The following COL24A1 variants were observed in gnomAD, a reference collection of about 807,000 sequenced individuals.
The protein encoded by COL24A1 is collagen type XXIV alpha 1 chain.
In COL24A1, 224 loss-of-function variants were observed where a neutral mutation model predicts 253.9. The observed-to-expected ratio is 0.88, with a 90% confidence interval of 0.79 to 0.99. The LOEUF (loss-of-function observed/expected upper bound fraction) is 0.99, where lower values mean the gene tolerates loss of function less well. Ranked by LOEUF, COL24A1 falls within the 50% of genes least tolerant of loss-of-function variation. COL24A1 has a pLI of 0.00. For synonymous variants in COL24A1, 685 were observed against 673.7 expected (o/e 1.02, Z -0.26); for missense variants, 2,131 against 2,068.5 (o/e 1.03, Z -0.59).
chr1:86,135,764 G>A (rs572506545), intron 2 of COL24A1, among the ~76,000 whole-genome samples: 1 of 152,038 alleles, frequency 6.6e-6, no homozygotes, highest in East Asian at 1.9e-4. Context: ...AGGTGATAAG[G>A]GGGACATATT....
chr1:85,793,734 A>G (rs1670534541), intron 47 of COL24A1, among the ~76,000 whole-genome samples: 3 of 152,156 alleles, frequency 2.0e-5, no homozygotes, highest in East Asian at 1.9e-4. Context: ...GAGTCATGAG[A>G]TGGTGCCATT....
chr1:85,925,557 A>G (rs908259749), intron 24 of COL24A1, among the ~76,000 whole-genome samples: 6 of 152,204 alleles, frequency 3.9e-5, no homozygotes, highest in African/African-American at 1.4e-4. Flanking sequence ...AACCTGAGAA[A>G]AACAAGCAAT....
At chr1:86,152,637 G>C (rs1428356306) in intron 1 of COL24A1, among the ~76,000 whole-genome samples, 1 of 152,102 alleles carries the variant, frequency 6.6e-6, no homozygotes, top group Non-Finnish European at 1.5e-5. Context: ...GCAGTGCAAG[G>C]GAGATAAATG....
At position 85,781,239 on chromosome 1, in the gene COL24A1, ATTATACC is replaced by A. The variant is rs749385818; in HGVS notation, c.4312_4318del (p.Gly1438Ter). The stretch of plus-strand genomic sequence containing the variant: ...ACTTACAGTTCTACCTGTTGGGCCT[ATTATACC>A]TTCTCTGCCAAGGGGACCAGTGTTT... On this transcript the variant is annotated frameshift_variant, in exon 52 of 60. Coordinates refer to ENST00000370571, the MANE Select transcript of COL24A1 (RefSeq NM_152890.7). LOFTEE classifies it high-confidence loss of function. The A allele has an allele frequency of 6.2e-7, 1 of 1,607,508 alleles. No homozygotes were observed. The highest frequency in any genetic ancestry group is 8.5e-7 in the Non-Finnish European group (1 of 1,176,978).
In COL24A1 at chr1:85,791,756, T is replaced by TGAAATATGC. The variant is rs139989722; in HGVS notation, c.3952-5304_3952-5296dup. On this transcript the variant is annotated intron_variant, in intron 47 of 59. Coordinates refer to ENST00000370571, the MANE Select transcript of COL24A1 (RefSeq NM_152890.7). ...AAAAAATTTTCAAAGATGAAATATGTGAAATATGCAAAGTCTCATTACAGG... is the reference window on the plus strand; with the variant it reads ...AAAAAATTTTCAAAGATGAAATATGTGAAATATGCGAAATATGCAAAGTCTCATTACAGG... Among the ~76,000 whole-genome samples, 659 of 152,240 alleles carry TGAAATATGC rather than the reference T, an allele frequency of 4.3e-3. 5 individuals are homozygous for TGAAATATGC. Among genetic ancestry groups the TGAAATATGC allele is most frequent in the African/African-American group, 0.015 (638 of 41,542 alleles).
intron 24 of COL24A1, among the ~76,000 whole-genome samples, chr1:85,937,469 T>C (rs1237650161): frequency 6.8e-6 from 1 of 147,646 alleles, no homozygotes; most frequent in Non-Finnish European, 1.5e-5. Context: ...TGTGAAGATC[T>C]TTGTATCACA....
Position 86,059,147 on chromosome 1 carries a change from C to G in COL24A1, c.1780G>C (p.Gly594Arg). The change falls in exon 9 of 60, where the codon GGT becomes CGT. Residue 594 changes from glycine (G) to arginine (R), a missense_variant. Gly to Arg is a moderately radical substitution (Grantham distance 125, BLOSUM62 -2). Coordinates refer to ENST00000370571, the MANE Select transcript of COL24A1 (RefSeq NM_152890.7). ...TGCCTGCCAGGGTAACCGGGTGAAC[C>G]AATATTACCAGCAAATCCTGGAATT... ...QGIPGFAGNI[G>R]SPGYPGRQGL... is the part of the protein sequence containing the mutation. 6.2e-7 allele frequency: 1 copy of G among 1,610,942 alleles called. No homozygotes were observed. Among genetic ancestry groups the G allele is most frequent in the Non-Finnish European group, 8.5e-7 (1 of 1,178,334 alleles).
chr1:86,153,714 T>C (rs938624058), intron 1 of COL24A1, among the ~76,000 whole-genome samples: 17 of 152,210 alleles, frequency 1.1e-4, no homozygotes, highest in African/African-American at 4.1e-4. Flanking sequence ...AACACAAATA[T>C]AACTAAGCAA....
At chr1:86,049,481 T>A (rs748348642) in intron 11 of COL24A1, among the ~76,000 whole-genome samples, 14 of 152,138 alleles carry the variant, frequency 9.2e-5, no homozygotes, top group Non-Finnish European at 1.6e-4. Flanking sequence ...TCTATGACAA[T>A]CTACTAATAT....
chr1:85,969,153 T>C (rs557212512), intron 22 of COL24A1, among the ~76,000 whole-genome samples: 10 of 152,332 alleles, frequency 6.6e-5, no homozygotes, highest in African/African-American at 1.4e-4. Context: ...ATCAATTTTA[T>C]TGGGCTCAAA....
chr1:86,005,492 G>C (rs1045574221), intron 19 of COL24A1, among the ~76,000 whole-genome samples: 1 of 151,946 alleles, frequency 6.6e-6, no homozygotes, highest in Admixed American at 6.6e-5. Context: ...TATTGGGTGA[G>C]AAGGGATATA....
chr1:85,829,362 C>A (rs1332679909), intron 43 of COL24A1, among the ~76,000 whole-genome samples: 5 of 151,328 alleles, frequency 3.3e-5, no homozygotes, highest in Non-Finnish European at 7.4e-5. Flanking sequence ...AACATTTTTT[C>A]CTTCATTTCA....
intron 19 of COL24A1, among the ~76,000 whole-genome samples, chr1:86,002,291 A>C (rs1252762035): frequency 6.6e-6 from 1 of 152,182 alleles, no homozygotes; most frequent in Non-Finnish European, 1.5e-5. Context: ...CGCTGAATTC[A>C]CCAGGCGCAC....
At chr1:86,105,430 G>C (rs1050511146) in intron 5 of COL24A1, among the ~76,000 whole-genome samples, 1 of 152,222 alleles carries the variant, frequency 6.6e-6, no homozygotes, top group African/African-American at 2.4e-5. Flanking sequence ...CAACAGTGCA[G>C]GAGTTATGAT....
At chr1:86,104,419 C>A (rs1347459698) in intron 5 of COL24A1, among the ~76,000 whole-genome samples, 3 of 152,176 alleles carry the variant, frequency 2.0e-5, no homozygotes, top group Non-Finnish European at 4.4e-5. Flanking sequence ...TGCTGCAGGG[C>A]TAATGCAGTC....
chr1:86,113,921 C>T (rs1571966840), intron 4 of COL24A1, among the ~76,000 whole-genome samples: 1 of 140,444 alleles, frequency 7.1e-6, no homozygotes, highest in African/African-American at 2.6e-5. Context: ...TCAAAAAGTA[C>T]ATTTTAATAA....
intron 59 of COL24A1, among the ~76,000 whole-genome samples, chr1:85,733,445 A>G (rs1663716815): frequency 6.6e-6 from 1 of 152,218 alleles, no homozygotes; most frequent in Admixed American, 6.5e-5. Context: ...TGAATTAAGG[A>G]TGGCTGTGTT....
chr1:86,004,458 G>GATAACATTGGAAT (rs1695738310), intron 19 of COL24A1, among the ~76,000 whole-genome samples: 1 of 152,046 alleles, frequency 6.6e-6, no homozygotes, highest in African/African-American at 2.4e-5. Flanking sequence ...GAAGCATCCA[G>GATAACATTGGAAT]CCTCACATAA....
chr1:85,936,419 G>A (rs1451933021), intron 24 of COL24A1, among the ~76,000 whole-genome samples: 1 of 147,384 alleles, frequency 6.8e-6, no homozygotes, highest in African/African-American at 2.5e-5. Flanking sequence ...ACCTGATATA[G>A]GCAGAAGGGA....
Sources: gnomAD v4.1 joint callset for allele counts (sites outside exome capture counted in the v4.1 genomes callset) on GRCh38, gnomAD v4.1.1 for gene constraint, MANE v1.5 for transcripts, NCBI Gene and HGNC (gene_info 2026-07-23, HGNC 2026-07-21) for gene names.